Variants in FUT8 observed in about 807,000 individuals in gnomAD.
The protein encoded by FUT8 is alpha-(1,6)-fucosyltransferase.
In FUT8, 29 loss-of-function variants were observed where a neutral mutation model predicts 71.3. The ratio of observed to expected loss-of-function variants is 0.41; its 90% CI spans 0.30 to 0.55. The LOEUF (loss-of-function observed/expected upper bound fraction) is 0.55. Ranked by LOEUF, FUT8 falls within the 20% of genes least tolerant of loss-of-function variation. FUT8 has a pLI of 0.34. For synonymous variants in FUT8, 254 were observed against 239.3 expected, an observed-to-expected ratio of 1.06 and a Z score of -0.57; for missense variants, 544 against 702.1, an observed-to-expected ratio of 0.77 and a Z score of 2.55.
At chr14:65,461,291 T>C (rs1351906933) in intron 2 of FUT8, among the ~76,000 whole-genome samples, 2 of 152,242 alleles carry the variant, frequency 1.3e-5, no homozygotes, top group Non-Finnish European at 2.9e-5. Flanking sequence ...TGTGTTCAAA[T>C]GTCCTTCTTA....
intron 1 of FUT8, among the ~76,000 whole-genome samples, chr14:65,419,530 G>A (rs1168967366): frequency 2.6e-5 from 4 of 152,132 alleles, no homozygotes; most frequent in African/African-American, 9.7e-5. Context: ...GAATTGTACT[G>A]GTACCTGAAG....
intron 10 of FUT8, among the ~76,000 whole-genome samples, chr14:65,733,990 TG>T (rs1246307422): frequency 6.6e-6 from 1 of 152,222 alleles, no homozygotes; most frequent in Non-Finnish European, 1.5e-5. Context: ...CAGCCAGCTT[TG>T]TATGCCCTGT....
At chr14:65,436,928 A>G (rs2139459666) in intron 1 of FUT8, among the ~76,000 whole-genome samples, 1 of 152,368 alleles carries the variant, frequency 6.6e-6, no homozygotes, top group South Asian at 2.1e-4. Flanking sequence ...ATTTTTGTCC[A>G]GGAGCTAGTT....
At chr14:65,359,995 G>A in the FUT8 span, among the ~76,000 whole-genome samples, 712 of 152,230 alleles carry the variant, frequency 4.7e-3, 4 homozygotes, top group African/African-American at 0.011. Flanking sequence ...ACCACACCGA[G>A]CTAATTTTTG....
At chr14:65,707,911 C>A (rs144633573) in intron 7 of FUT8, among the ~76,000 whole-genome samples, 190 of 152,234 alleles carry the variant, frequency 1.2e-3, no homozygotes, top group Non-Finnish European at 2.3e-3. Flanking sequence ...GTGCCTCCAG[C>A]TTTGTTCTTT....
At chr14:65,589,656 G>A (rs1327968012) in intron 3 of FUT8, among the ~76,000 whole-genome samples, 3 of 152,062 alleles carry the variant, frequency 2.0e-5, no homozygotes, top group African/African-American at 4.8e-5. Flanking sequence ...GTGTTAGCCA[G>A]GATGGTCTCG....
upstream of FUT8, among the ~76,000 whole-genome samples, chr14:65,406,534 C>T (rs1034810277): frequency 2.0e-5 from 3 of 152,100 alleles, no homozygotes; most frequent in Non-Finnish European, 2.9e-5. Context: ...CTCGCTCTCT[C>T]TCTTTCTCTC....
chr14:65,740,808 C>T (rs1449705303), intron 10 of FUT8, among the ~76,000 whole-genome samples: 1 of 151,996 alleles, frequency 6.6e-6, no homozygotes, highest in Non-Finnish European at 1.5e-5. Context: ...GGCCCCATCT[C>T]CAACATTGGG....
chr14:65,633,980 G>A (rs80297942), intron 6 of FUT8, among the ~76,000 whole-genome samples: 53,201 of 150,960 alleles, frequency 0.35, 11,647 homozygotes, highest in Non-Finnish European at 0.49. Context: ...CCCCATCCGG[G>A]AGGTGAGGGG....
At chr14:65,502,251 A>C (rs1450702871) in intron 2 of FUT8, among the ~76,000 whole-genome samples, 2 of 147,082 alleles carry the variant, frequency 1.4e-5, no homozygotes, top group Non-Finnish European at 3.0e-5. Context: ...TTGAGACAGA[A>C]TCTCACTCTG....
At chr14:65,478,636 T>C (rs1002975093) in intron 2 of FUT8, among the ~76,000 whole-genome samples, 4 of 152,272 alleles carry the variant, frequency 2.6e-5, no homozygotes, top group African/African-American at 9.6e-5. Context: ...CTCTAGCTGT[T>C]TAAGTTCCTG....
At chr14:65,682,879 A>C (rs1893101527) in intron 7 of FUT8, among the ~76,000 whole-genome samples, 1 of 152,182 alleles carries the variant, frequency 6.6e-6, no homozygotes, top group African/African-American at 2.4e-5. Flanking sequence ...GCTTCAGTGC[A>C]AGTTATTTTT....
At position 65,685,557 on chromosome 14, in the gene FUT8, T is replaced by G. The variant is rs192056908; in HGVS notation, c.835+16077T>G. 2.6e-5 allele frequency among the ~76,000 whole-genome samples: 4 copies of G among 152,228 alleles called. No individual in the cohort carries two copies. The East Asian group carries it at 7.7e-4, about 29-fold the overall frequency. On this transcript the variant is annotated intron_variant, in intron 7 of 10. Coordinates refer to ENST00000673929, the MANE Select transcript of FUT8 (RefSeq NM_001371533.1). ...GTCCATAGAGTAAAGTGAAAGCAAG[T>G]TTATTAGTAAAGTAAAGGAATAAAG...
chr14:65,634,723 G>A (rs1890451117), intron 6 of FUT8, among the ~76,000 whole-genome samples: 1 of 152,072 alleles, frequency 6.6e-6, no homozygotes, highest in East Asian at 1.9e-4. Flanking sequence ...ATGCCATTTT[G>A]GTGACTATGG....
intron 2 of FUT8, among the ~76,000 whole-genome samples, chr14:65,543,866 A>G (rs1284257740): frequency 6.6e-6 from 1 of 152,194 alleles, no homozygotes; most frequent in African/African-American, 2.4e-5. Context: ...TGAGGCAGCT[A>G]ACTTGCTACC....
intron 9 of FUT8, among the ~76,000 whole-genome samples, chr14:65,732,610 A>C (rs1260909861): frequency 6.6e-6 from 1 of 152,220 alleles, no homozygotes. Flanking sequence ...CTTGGTGGAC[A>C]TCTATGGAAT....
intron 7 of FUT8, among the ~76,000 whole-genome samples, chr14:65,716,686 C>G (rs143939889): frequency 3.9e-5 from 6 of 152,088 alleles, no homozygotes; most frequent in African/African-American, 1.4e-4. Flanking sequence ...ACATTTCCCC[C>G]TTTTCTTTTT....
chr14:65,539,274 T>C (rs1365661684), intron 2 of FUT8, among the ~76,000 whole-genome samples: 1 of 152,226 alleles, frequency 6.6e-6, no homozygotes, highest in Non-Finnish European at 1.5e-5. Context: ...TTTGTTACTT[T>C]GGTAGTGTGT....
chr14:65,729,014 A>G (rs1347998942), intron 9 of FUT8, among the ~76,000 whole-genome samples: 4 of 151,286 alleles, frequency 2.6e-5, no homozygotes, highest in Non-Finnish European at 4.4e-5. Flanking sequence ...CTAGGTTGCT[A>G]AAATAGTCAT....
Sources: allele counts gnomAD v4.1 joint callset (sites outside exome capture counted in the v4.1 genomes callset), GRCh38; gene constraint gnomAD v4.1.1; transcripts MANE v1.5; gene names NCBI Gene and HGNC (gene_info 2026-07-23, HGNC 2026-07-21).